The following DNAH9 variants were observed in gnomAD, a reference collection of about 807,000 sequenced individuals.
DNAH9 encodes dynein axonemal heavy chain 9.
In DNAH9, 345 loss-of-function variants were observed where a neutral mutation model predicts 471.6. The ratio of observed to expected loss-of-function variants is 0.73; its 90% CI spans 0.67 to 0.80. The LOEUF is 0.80. Ranked by LOEUF, DNAH9 falls within the 30% of genes least tolerant of loss-of-function variation. The pLI is 0.00. For synonymous variants in DNAH9, 2,093 were observed against 2,123.6 expected, an observed-to-expected ratio of 0.99 and a Z score of 0.40; for missense variants, 5,407 against 5,609.2, an observed-to-expected ratio of 0.96 and a Z score of 1.15.
At chr17:11,789,956 AG>A (rs1310865163) in intron 41 of DNAH9, among the ~76,000 whole-genome samples, 2 of 152,024 alleles carry the variant, frequency 1.3e-5, no homozygotes, top group African/African-American at 4.8e-5. Flanking sequence ...CGGAATATTT[AG>A]AAGTGTATTG....
chr17:11,732,335 G>A (rs1388651734), intron 28 of DNAH9, among the ~76,000 whole-genome samples: 1 of 152,092 alleles, frequency 6.6e-6, no homozygotes, highest in African/African-American at 2.4e-5. Flanking sequence ...AACAGCCCAG[G>A]CAAAATCTGA....
chr17:11,734,840 AC>A (rs1330614222), intron 28 of DNAH9, among the ~76,000 whole-genome samples: 1 of 152,020 alleles, frequency 6.6e-6, no homozygotes, highest in Non-Finnish European at 1.5e-5. Context: ...TCTGTTCAAC[AC>A]CCTCCCGTCT....
At position 11,942,443 on chromosome 17, in the gene DNAH9, AGAGATTCAGCGCTCACTGAGG is replaced by A. The variant is rs1239299902; in HGVS notation, c.12805_12825del (p.Ile4269_Glu4275del). 6.2e-7 allele frequency: 1 copy of A among 1,614,134 alleles called. No homozygotes were observed. Among genetic ancestry groups the A allele is most frequent in the East Asian group, 2.2e-5 (1 of 44,866 alleles). The stretch of plus-strand genomic sequence containing the variant: ...GTGGCCGGATGAATATCCTCACCAG[AGAGATTCAGCGCTCACTGAGG>A]GAGCTGGAGCTCGGCTTAAAGGTGA... On this transcript the variant is annotated inframe_deletion, in exon 67 of 69. Coordinates refer to ENST00000262442, the MANE Select transcript of DNAH9 (RefSeq NM_001372.4).
chr17:11,967,731 T>C (rs1473398568), intron 68 of DNAH9, among the ~76,000 whole-genome samples: 1 of 152,054 alleles, frequency 6.6e-6, no homozygotes, highest in African/African-American at 2.4e-5. Context: ...AAGATACCAA[T>C]AGGTTAAAAG....
At chr17:11,710,600 T>C (rs1194080982) in intron 26 of DNAH9, among the ~76,000 whole-genome samples, 2 of 152,204 alleles carry the variant, frequency 1.3e-5, no homozygotes, top group East Asian at 3.8e-4. Context: ...CATTTTTATG[T>C]GTTTATTAGC....
At chr17:11,650,798 C>A (rs1455964943) in intron 12 of DNAH9, among the ~76,000 whole-genome samples, 1 of 152,222 alleles carries the variant, frequency 6.6e-6, no homozygotes, top group Non-Finnish European at 1.5e-5. Context: ...GCAGAGCCCT[C>A]CCCTGCTATC....
chr17:11,761,060 T>C (rs79496550), intron 35 of DNAH9, among the ~76,000 whole-genome samples: 2,917 of 152,378 alleles, frequency 0.019, 45 homozygotes, highest in Non-Finnish European at 0.029. Context: ...AAAGCAGCTT[T>C]ATTTTATTTC....
rs915927093 is a variant in DNAH9 at position 11,626,600 on chromosome 17, G to C, written c.1351-2817G>C. ...CCATTTTTTAGGTCGAAATGATCCC[G>C]TATCAGCAATGTAATAAGTTCAACC... is the stretch of plus-strand genomic sequence containing the variant. On this transcript the variant is annotated intron_variant, in intron 6 of 68. Transcript: ENST00000262442. The surrounding 1 kb of genome is among the most constrained non-coding windows in gnomAD (Gnocchi z 4.3). Among the ~76,000 whole-genome samples the C allele has an allele frequency of 6.6e-6, 1 of 152,100 alleles. No homozygotes were observed. Among genetic ancestry groups the C allele is most frequent in the Non-Finnish European group, 1.5e-5 (1 of 68,016 alleles).
chr17:11,732,647 A>AT (rs1157577578), intron 28 of DNAH9, among the ~76,000 whole-genome samples: 1 of 6,706 alleles, frequency 1.5e-4, no homozygotes, highest in Non-Finnish European at 2.0e-3. Flanking sequence ...TGTCAATTCC[A>AT]AAAAAAAATT....
chr17:11,746,196 G>A (rs1250773698), intron 31 of DNAH9, among the ~76,000 whole-genome samples: 1 of 152,190 alleles, frequency 6.6e-6, no homozygotes, highest in Non-Finnish European at 1.5e-5. Context: ...AGTCAGGAAA[G>A]AGGTTTAATT....
intron 7 of DNAH9, among the ~76,000 whole-genome samples, chr17:11,630,699 G>C (rs989970175): frequency 1.6e-4 from 25 of 152,036 alleles, no homozygotes; most frequent in Admixed American, 1.6e-3. Flanking sequence ...ATGTATCCCA[G>C]AACTTACAGT....
At position 11,625,784 on chromosome 17, in the gene DNAH9, A is replaced by G. The variant is rs1418078707; in HGVS notation, c.1351-3633A>G. ...TGATCAGTCCAGTAAGCGGCCTGGTACCCCAGTGTTCCTTGTTCTGTCTTG... is the reference window on the plus strand; with the variant it reads ...TGATCAGTCCAGTAAGCGGCCTGGTGCCCCAGTGTTCCTTGTTCTGTCTTG... On this transcript the variant is annotated intron_variant, in intron 6 of 68. Coordinates refer to ENST00000262442, the MANE Select transcript of DNAH9 (RefSeq NM_001372.4). Among the ~76,000 whole-genome samples, 3 of 152,250 alleles carry G rather than the reference A, an allele frequency of 2.0e-5. No individual in the cohort carries two copies. The East Asian group carries it at 5.8e-4, about 29-fold the overall frequency.
intron 67 of DNAH9, among the ~76,000 whole-genome samples, chr17:11,954,788 AG>A (rs1567574382): frequency 6.9e-5 from 7 of 101,438 alleles, no homozygotes; most frequent in Admixed American, 1.1e-4. Flanking sequence ...AAAAAAAAAA[AG>A]AGAGAGAAAG....
chr17:11,848,735 G>C (rs371281119), intron 49 of DNAH9, among the ~76,000 whole-genome samples: 1 of 152,036 alleles, frequency 6.6e-6, no homozygotes, highest in Admixed American at 6.6e-5. Context: ...TCTGGGAAAT[G>C]ACTTACATTT....
intron 68 of DNAH9, among the ~76,000 whole-genome samples, chr17:11,966,407 A>AAG (rs949432255): frequency 5.9e-5 from 9 of 152,178 alleles, no homozygotes; most frequent in African/African-American, 2.2e-4. Flanking sequence ...CAGATTTTTT[A>AAG]AGAGAGAGAG....
At chr17:11,849,591 T>C (rs1227706154) in intron 49 of DNAH9, among the ~76,000 whole-genome samples, 1 of 152,192 alleles carries the variant, frequency 6.6e-6, no homozygotes, top group Admixed American at 6.5e-5. Context: ...CCTGGAACAG[T>C]CTTCCTGCAG....
chr17:11,872,789 G>A (rs533917944), intron 52 of DNAH9, among the ~76,000 whole-genome samples: 47 of 152,206 alleles, frequency 3.1e-4, no homozygotes, highest in African/African-American at 1.0e-3. Context: ...GCATGGTGGC[G>A]GGCGCCTGTA....
chr17:11,618,866 A>T (rs1162250660), intron 5 of DNAH9, among the ~76,000 whole-genome samples: 1 of 152,172 alleles, frequency 6.6e-6, no homozygotes, highest in Non-Finnish European at 1.5e-5. Context: ...TTGCCCAAAG[A>T]CACCCAAACC....
At chr17:11,953,015 G>A (rs1044627000) in intron 67 of DNAH9, among the ~76,000 whole-genome samples, 2 of 152,164 alleles carry the variant, frequency 1.3e-5, no homozygotes, top group Admixed American at 6.5e-5. Flanking sequence ...AAGTGGGAGA[G>A]AGACTGAGAG....
Sources: allele counts gnomAD v4.1 joint callset (sites outside exome capture counted in the v4.1 genomes callset), GRCh38; gene constraint gnomAD v4.1.1; non-coding constraint Gnocchi (gnomAD v3.1); transcripts MANE v1.5; gene names NCBI Gene and HGNC (gene_info 2026-07-23, HGNC 2026-07-21).